Variants in TG observed in about 807,000 individuals in gnomAD.
TG encodes the protein thyroid hormones.
A neutral mutation model predicts 324.7 loss-of-function variants in TG; 270 were observed. The ratio of observed to expected loss-of-function variants is 0.83; its 90% CI spans 0.75 to 0.92. The LOEUF is 0.92. Among genes scored for constraint, TG ranks in the 40% least tolerant of loss-of-function variants. The pLI is 0.00. For missense variants in TG, 3,591 were observed against 3,456.4 expected, an observed-to-expected ratio of 1.04 and a Z score of -0.98; for synonymous variants, 1,401 against 1,327.0, an observed-to-expected ratio of 1.06 and a Z score of -1.21.
At chr8:133,092,157 T>C (rs7832522) in intron 41 of TG, among the ~76,000 whole-genome samples, 108,941 of 152,028 alleles carry the variant, frequency 0.72, 39,472 homozygotes, top group Non-Finnish European at 0.75. Flanking sequence ...CTCTGAGAAG[T>C]GGTACCAATA....
intron 41 of TG, among the ~76,000 whole-genome samples, chr8:133,082,130 C>T (rs867334206): frequency 5.9e-5 from 9 of 152,084 alleles, no homozygotes; most frequent in Non-Finnish European, 1.0e-4. Flanking sequence ...GTAGGGTGTA[C>T]GGTGCTGGTG....
rs1224384170 is a variant in TG, at chr8:133,131,821, G to A, written c.7872G>A (p.Leu2624=). ...TCCTCTGTTTTCTCAGCCTGGAGCT[G>A]CTGGCGGATGTTCAGTTTGCCTTGG... is the stretch of plus-strand genomic sequence containing the variant. The part of the protein sequence containing the change: ...PENYGHGSLE[L]LADVQFALGL... The change falls in exon 46 of 48, where the codon CTG becomes CTA. Residue 2624 remains leucine, a synonymous_variant. Transcript: ENST00000220616. 6.2e-7 allele frequency: 1 copy of A among 1,614,206 alleles called. No individual in the cohort carries two copies. Among genetic ancestry groups the A allele is most frequent in the African/African-American group, 1.3e-5 (1 of 75,066 alleles).
chr8:133,070,239 G>A (rs2131419006), intron 41 of TG, among the ~76,000 whole-genome samples: 1 of 152,166 alleles, frequency 6.6e-6, no homozygotes, highest in Non-Finnish European at 1.5e-5. Flanking sequence ...GGACGGAGTA[G>A]GAAAAAGATG....
At chr8:133,026,794 G>T (rs1472365936) in intron 40 of TG, among the ~76,000 whole-genome samples, 3 of 152,188 alleles carry the variant, frequency 2.0e-5, no homozygotes, top group Non-Finnish European at 4.4e-5. Context: ...CCCCCAGTGG[G>T]TGCCCCCTCA....
intron 41 of TG, among the ~76,000 whole-genome samples, chr8:133,051,546 G>A (rs1260600850): frequency 6.6e-6 from 1 of 152,104 alleles, no homozygotes; most frequent in Non-Finnish European, 1.5e-5. Context: ...TATTTAATAG[G>A]GACATTTGTT....
intron 41 of TG, among the ~76,000 whole-genome samples, chr8:133,094,079 T>C (rs1161080716): frequency 6.6e-6 from 1 of 152,016 alleles, no homozygotes; most frequent in Non-Finnish European, 1.5e-5. Context: ...GGGAGCCCCA[T>C]AGCGGATGCA....
At chr8:132,906,530 G>A (rs1454473557) in intron 16 of TG, among the ~76,000 whole-genome samples, 158 bp from the exon 17 acceptor site, 1 of 152,080 alleles carries the variant, frequency 6.6e-6, no homozygotes, top group Non-Finnish European at 1.5e-5. Flanking sequence ...AGAGAAAGGG[G>A]AGCAGGCCCA....
rs958333433 is a variant in TG, at chr8:132,917,856, T to G, written c.4379-1520T>G. ...AATAGGTATAACTGTCTTATTTTAT[T>G]AGGCTGGTGCAAAAGTAATTACGGT... On this transcript the variant is annotated intron_variant, in intron 20 of 47. Transcript: ENST00000220616. Among the ~76,000 whole-genome samples the G allele has an allele frequency of 5.9e-5, 9 of 151,342 alleles. No individual in the cohort carries two copies. In the South Asian group the frequency reaches 6.3e-4, roughly 11 times the overall value.
At chr8:133,006,850 A>G (rs892912855) in intron 35 of TG, among the ~76,000 whole-genome samples, 15 of 152,238 alleles carry the variant, frequency 9.9e-5, no homozygotes, top group Admixed American at 4.6e-4. Context: ...TTTTTGAATC[A>G]CGATTTCAGT....
intron 10 of TG, among the ~76,000 whole-genome samples, chr8:132,892,179 C>G (rs1457552488): frequency 6.6e-6 from 1 of 152,224 alleles, no homozygotes; most frequent in South Asian, 2.1e-4. Context: ...GAATAACTCT[C>G]TGCTAACTTA....
intron 5 of TG, among the ~76,000 whole-genome samples, chr8:132,881,533 T>C (rs1005492562): frequency 6.6e-6 from 1 of 152,228 alleles, no homozygotes; most frequent in Non-Finnish European, 1.5e-5. Flanking sequence ...AACCAGTTAA[T>C]GCGATTTTCC....
At chr8:132,915,856 A>G (rs1820212685) in intron 20 of TG, among the ~76,000 whole-genome samples, 3 of 152,220 alleles carry the variant, frequency 2.0e-5, no homozygotes, top group Admixed American at 2.0e-4. Context: ...AGACTTGTCA[A>G]TCACACCACA....
At chr8:132,964,087 A>G (rs1238167854) in intron 29 of TG, among the ~76,000 whole-genome samples, 2 of 151,780 alleles carry the variant, frequency 1.3e-5, no homozygotes, top group Non-Finnish European at 2.9e-5. Context: ...GTGATCCTCA[A>G]CCTCGGCAGT....
chr8:132,870,888 T>C (rs566014442), intron 3 of TG, among the ~76,000 whole-genome samples: 14 of 152,276 alleles, frequency 9.2e-5, no homozygotes, highest in African/African-American at 3.4e-4. Context: ...TCATAAGGGA[T>C]CCACTTCCAG....
chr8:133,038,510 G>A (rs377435106), intron 41 of TG: 63 of 1,581,788 alleles, frequency 4.0e-5, no homozygotes, highest in Non-Finnish European at 5.5e-5. Context: ...ATGAACCATT[G>A]TGTCTGTTCT....
chr8:133,025,555 A>AG (rs1835993844), intron 40 of TG, among the ~76,000 whole-genome samples: 1 of 152,064 alleles, frequency 6.6e-6, no homozygotes, highest in Admixed American at 6.6e-5. Context: ...ACCCTTGATG[A>AG]GCCGATGGTG....
chr8:133,072,144 C>G (rs1844152852), intron 41 of TG, among the ~76,000 whole-genome samples: 1 of 152,182 alleles, frequency 6.6e-6, no homozygotes, highest in Non-Finnish European at 1.5e-5. Flanking sequence ...ATATACACAC[C>G]AAGTCCTCCA....
chr8:132,898,282 C>G (rs771123423), intron 13 of TG, 36 bp downstream of exon 13: 3 of 1,550,648 alleles, frequency 1.9e-6, no homozygotes, highest in Non-Finnish European at 2.6e-6. Flanking sequence ...TCCTGACCCC[C>G]CTTGGTGGGC....
chr8:133,004,275 G>T (rs1833828815), intron 35 of TG, among the ~76,000 whole-genome samples: 1 of 152,190 alleles, frequency 6.6e-6, no homozygotes, highest in African/African-American at 2.4e-5. Context: ...CTGTATAAGG[G>T]CTGGGAAGGT....
Sources: gnomAD v4.1 joint callset for allele counts (sites outside exome capture counted in the v4.1 genomes callset) on GRCh38, gnomAD v4.1.1 for gene constraint, MANE v1.5 for transcripts, NCBI Gene and HGNC (gene_info 2026-07-23, HGNC 2026-07-21) for gene names.